Variants in WAC observed in about 807,000 individuals in gnomAD.
The protein encoded by WAC is WW domain containing adaptor with coiled-coil.
In WAC, 11 loss-of-function variants were observed where a neutral mutation model predicts 79.6. That is an observed-to-expected ratio of 0.14 (90% CI 0.09 to 0.23). The LOEUF is 0.23. Ranked by LOEUF, WAC falls within the 10% of genes least tolerant of loss-of-function variation. The probability of loss-of-function intolerance (pLI) is 1.00; values close to 1 mark genes in which losing one functional copy is unlikely to be tolerated. For synonymous variants in WAC, 304 were observed against 276.9 expected, an observed-to-expected ratio of 1.10 and a Z score of -0.97; for missense variants, 728 against 773.5, an observed-to-expected ratio of 0.94 and a Z score of 0.70.
intron 3 of WAC, among the ~76,000 whole-genome samples, chr10:28,567,926 G>A (rs1274504426): frequency 6.6e-6 from 1 of 152,042 alleles, no homozygotes; most frequent in African/African-American, 2.4e-5. Flanking sequence ...TTGTAGAGAT[G>A]GGGGTCTCGC....
intron 3 of WAC, among the ~76,000 whole-genome samples, chr10:28,557,548 G>C (rs1838061398): frequency 6.6e-6 from 1 of 152,080 alleles, no homozygotes; most frequent in Admixed American, 6.6e-5. Flanking sequence ...TTAAAAATCA[G>C]CTGGGTGTGG....
At chr10:28,612,862 G>T (rs1841307141) in intron 10 of WAC, among the ~76,000 whole-genome samples, 1 of 152,212 alleles carries the variant, frequency 6.6e-6, no homozygotes. Flanking sequence ...TTTGGCAAAA[G>T]AGATGTTATT....
At chr10:28,595,562 A>C (rs1840317552) in intron 6 of WAC, among the ~76,000 whole-genome samples, 171 bp from the exon 7 acceptor site, 1 of 152,198 alleles carries the variant, frequency 6.6e-6, no homozygotes, top group Non-Finnish European at 1.5e-5. Context: ...GCATATTTAC[A>C]TGCTAGTGGT....
At chr10:28,582,316 A>T (rs332148) in intron 3 of WAC, among the ~76,000 whole-genome samples, 18,299 of 152,248 alleles carry the variant, frequency 0.12, 1,476 homozygotes, top group Middle Eastern at 0.2. Context: ...TTTTCTTCTG[A>T]ATTCCTAGTT....
intron 3 of WAC, among the ~76,000 whole-genome samples, chr10:28,543,795 G>C (rs145708330): frequency 4.4e-4 from 67 of 152,266 alleles, no homozygotes; most frequent in African/African-American, 1.6e-3. Context: ...TTAATCACTA[G>C]TTTTCATAGA....
At chr10:28,583,009 C>T (rs1350025423) in intron 3 of WAC, among the ~76,000 whole-genome samples, 1 of 152,106 alleles carries the variant, frequency 6.6e-6, no homozygotes, top group Non-Finnish European at 1.5e-5. Context: ...ATACTGATAA[C>T]AGTGACTTTT....
chr10:28,544,248 CG>C (rs1837233844), intron 3 of WAC, among the ~76,000 whole-genome samples: 4 of 152,094 alleles, frequency 2.6e-5, no homozygotes, highest in South Asian at 2.1e-4. Context: ...TTAATATTTG[CG>C]TAGTGGATTA....
chr10:28,590,309 C>T (rs375210453), intron 5 of WAC, among the ~76,000 whole-genome samples: 8 of 54,582 alleles, frequency 1.5e-4, no homozygotes, highest in African/African-American at 7.3e-4. Context: ...AAGATGCTAT[C>T]TCAAAAAAAA....
chr10:28,586,342 A>G (rs1188580488), intron 4 of WAC, among the ~76,000 whole-genome samples: 1 of 152,118 alleles, frequency 6.6e-6, no homozygotes, highest in Non-Finnish European at 1.5e-5. Context: ...GGCTTATGGT[A>G]AAGATTAGGA....
intron 6 of WAC, chr10:28,591,041 C>T (rs1412178714): frequency 2.0e-6 from 1 of 498,964 alleles, no homozygotes; most frequent in Admixed American, 3.9e-5. Context: ...ATGTGTTTCC[C>T]ACTACACATT....
chr10:28,533,743 G>T (rs986054625), intron 1 of WAC, 123 bp downstream of exon 1: 10 of 1,250,774 alleles, frequency 8.0e-6, no homozygotes, highest in Non-Finnish European at 1.1e-5. Flanking sequence ...GGATCGGGTT[G>T]GGGAGGAGGA....
intron 7 of WAC, among the ~76,000 whole-genome samples, chr10:28,603,217 CTAA>C (rs1365088698): frequency 1.3e-5 from 2 of 152,156 alleles, no homozygotes; most frequent in African/African-American, 4.8e-5. Context: ...GTAAAATAAA[CTAA>C]TGATAGCTGA....
Position 28,603,959 on chromosome 10 carries a change from A to ATG in WAC, c.920-4225_920-4224dup, listed in dbSNP as rs778809998. 7.5e-3 allele frequency among the ~76,000 whole-genome samples: 47 copies of ATG among 6,250 alleles called. 2 individuals are homozygous for ATG. Among genetic ancestry groups the ATG allele is most frequent in the South Asian group, 9.1e-3 (1 of 110 alleles). The allele number at this position is 6,250 out of a possible 152,430, so 4.1% of individuals were successfully genotyped here. On this transcript the variant is annotated intron_variant, in intron 7 of 13. Transcript: ENST00000354911. ...AAAAAAAAAATATATATATGTATGT[A>ATG]TGTATATATATATATATATATATAT...
chr10:28,578,262 C>T (rs1457552811), intron 3 of WAC, among the ~76,000 whole-genome samples: 1 of 152,252 alleles, frequency 6.6e-6, no homozygotes, highest in African/African-American at 2.4e-5. Context: ...TTCAGATCCA[C>T]TACTGAGCTT....
Position 28,565,063 on chromosome 10 carries a change from T to C in WAC, c.275-18336T>C, listed in dbSNP as rs184915621. 4.6e-5 allele frequency among the ~76,000 whole-genome samples: 7 copies of C among 152,040 alleles called. No individual in the cohort carries two copies. The East Asian group carries it at 1.4e-3, about 30-fold the overall frequency. ...CTCTCTAGTTTTGTCATTTCAGGAA[T>C]GTGTTATGTATAAATGGTATAGCAT... is the stretch of plus-strand genomic sequence containing the variant. On this transcript the variant is annotated intron_variant, in intron 3 of 13. Transcript: ENST00000354911.
At chr10:28,560,216 T>G (rs1371235559) in intron 3 of WAC, among the ~76,000 whole-genome samples, 1 of 152,034 alleles carries the variant, frequency 6.6e-6, no homozygotes, top group East Asian at 1.9e-4. Flanking sequence ...TAGCCAGGCA[T>G]GGTGGTAGGC....
At chr10:28,562,098 C>T (rs139205674) in intron 3 of WAC, among the ~76,000 whole-genome samples, 4 of 152,270 alleles carry the variant, frequency 2.6e-5, no homozygotes, top group South Asian at 2.1e-4. Context: ...TGCTCTGTCA[C>T]CCAGGTTGGA....
chr10:28,605,748 G>T (rs566824598), intron 7 of WAC, among the ~76,000 whole-genome samples: 30 of 152,046 alleles, frequency 2.0e-4, no homozygotes, highest in African/African-American at 7.2e-4. Context: ...TTCATGTCTC[G>T]TAGATTTGGT....
At chr10:28,610,372 A>G (rs1042418774) in intron 8 of WAC, among the ~76,000 whole-genome samples, 10 of 152,172 alleles carry the variant, frequency 6.6e-5, no homozygotes, top group African/African-American at 1.9e-4. Context: ...ACACTCACAT[A>G]TGAATAGGTT....
Sources: gnomAD v4.1 joint callset for allele counts (sites outside exome capture counted in the v4.1 genomes callset) on GRCh38, gnomAD v4.1.1 for gene constraint, MANE v1.5 for transcripts, NCBI Gene and HGNC (gene_info 2026-07-23, HGNC 2026-07-21) for gene names.